KRAS: variants seen among roughly 807,000 people sequenced by gnomAD.
KRAS encodes KRas proto-oncogene, GTPase.
In KRAS, 1 loss-of-function variant was observed where a neutral mutation model predicts 21.0. The observed-to-expected ratio is 0.05, with a 90% confidence interval of 0.02 to 0.23. The LOEUF (loss-of-function observed/expected upper bound fraction) is 0.23. Ranked by LOEUF, KRAS falls within the 10% of genes least tolerant of loss-of-function variation. The probability of loss-of-function intolerance (pLI) is 1.00; values close to 1 mark genes in which losing one functional copy is unlikely to be tolerated. For synonymous variants in KRAS, 67 were observed against 72.5 expected (o/e 0.92, Z 0.39); for missense variants, 107 against 221.8 (o/e 0.48, Z 3.29).
chr12:25,249,362 A>G (rs1449642046), intron 1 of KRAS, among the ~76,000 whole-genome samples: 1 of 152,020 alleles, frequency 6.6e-6, no homozygotes, highest in Non-Finnish European at 1.5e-5. Context: ...GCGCCACTGC[A>G]CTCCAGCCTG....
chr12:25,225,556 G>C (rs543969427), intron 4 of KRAS, 58 bp downstream of exon 4: 4 of 1,481,560 alleles, frequency 2.7e-6, no homozygotes, highest in Non-Finnish European at 3.8e-6. Context: ...TATATTAAAT[G>C]ACATAACAGT....
At chr12:25,243,388 A>G (rs1361221519) in intron 2 of KRAS, among the ~76,000 whole-genome samples, 4 of 152,186 alleles carry the variant, frequency 2.6e-5, no homozygotes, top group African/African-American at 9.7e-5. Flanking sequence ...TGCTTCCCAG[A>G]GTCAAGTCTT....
intron 4 of KRAS, among the ~76,000 whole-genome samples, chr12:25,220,137 T>G (rs1227822514): frequency 6.6e-6 from 1 of 152,192 alleles, no homozygotes; most frequent in African/African-American, 2.4e-5. Context: ...AAACACACAA[T>G]TCTCATGGTG....
chr12:25,215,709 G>T, intron 4 of KRAS: 1 of 682,850 alleles, frequency 1.5e-6, no homozygotes, highest in Non-Finnish European at 2.6e-6. Flanking sequence ...AACTGAGGAT[G>T]CAGTTTTAAA....
chr12:25,245,132 G>A (rs1951661633), intron 2 of KRAS, 142 bp downstream of exon 2: 1 of 920,198 alleles, frequency 1.1e-6, no homozygotes, highest in South Asian at 1.5e-5. Context: ...CATATAACTT[G>A]AAACCCAAGG....
intron 4 of KRAS, among the ~76,000 whole-genome samples, chr12:25,224,595 AATTT>A (rs1388507865): frequency 6.6e-6 from 1 of 152,172 alleles, no homozygotes; most frequent in Non-Finnish European, 1.5e-5. Flanking sequence ...AAGTAAGGTT[AATTT>A]ATTATTGAAC....
At chr12:25,211,519 A>T (rs574911948) in intron 4 of KRAS, among the ~76,000 whole-genome samples, 5 of 152,166 alleles carry the variant, frequency 3.3e-5, no homozygotes, top group Admixed American at 6.5e-5. Context: ...AGTGCATTGC[A>T]GTGAGCCGAG....
chr12:25,235,185 A>G, intron 2 of KRAS: 1 of 527,000 alleles, frequency 1.9e-6, no homozygotes, highest in Non-Finnish European at 3.6e-6. Context: ...TTCTTAATGT[A>G]TTAAGTATTG....
chr12:25,246,556 T>C (rs1252966748), intron 1 of KRAS, among the ~76,000 whole-genome samples: 1 of 146,416 alleles, frequency 6.8e-6, no homozygotes, highest in African/African-American at 2.5e-5. Flanking sequence ...AGACTCCATC[T>C]CAAAACAAAC....
At chr12:25,223,977 T>G (rs1429148031) in intron 4 of KRAS, among the ~76,000 whole-genome samples, 1 of 151,990 alleles carries the variant, frequency 6.6e-6, no homozygotes, top group Admixed American at 6.6e-5. Context: ...CACAGGAGAT[T>G]GCATATGTGA....
chr12:25,249,163 G>A (rs952185610), intron 1 of KRAS, among the ~76,000 whole-genome samples: 1 of 152,180 alleles, frequency 6.6e-6, no homozygotes, highest in African/African-American at 2.4e-5. Flanking sequence ...GTGGGAGGCC[G>A]AGGCGGGCAG....
intron 2 of KRAS, among the ~76,000 whole-genome samples, chr12:25,244,293 G>A (rs1294865858): frequency 6.6e-6 from 1 of 152,024 alleles, no homozygotes; most frequent in Non-Finnish European, 1.5e-5. Flanking sequence ...AAAGTATTAG[G>A]ACTGCTTAAC....
intron 2 of KRAS, chr12:25,235,143 T>C (rs961462038): frequency 6.3e-6 from 3 of 472,888 alleles, no homozygotes; most frequent in African/African-American, 1.9e-5. Flanking sequence ...AATAATGTAT[T>C]ACTCGGGGAT....
chr12:25,248,440 ACTCT>A (rs1240166501), intron 1 of KRAS, among the ~76,000 whole-genome samples: 4 of 151,826 alleles, frequency 2.6e-5, no homozygotes, highest in East Asian at 3.9e-4. Flanking sequence ...ACAGAGTGAG[ACTCT>A]CTCTCTCAAA....
chr12:25,226,009 C>T (rs1050169113), intron 3 of KRAS, among the ~76,000 whole-genome samples: 2 of 151,978 alleles, frequency 1.3e-5, no homozygotes, highest in East Asian at 3.9e-4. Context: ...AAAACTATAA[C>T]CTAATAGGTT....
chr12:25,222,657 A>G (rs1398559010), intron 4 of KRAS, among the ~76,000 whole-genome samples: 1 of 152,196 alleles, frequency 6.6e-6, no homozygotes, highest in African/African-American at 2.4e-5. Context: ...TTATCTACTT[A>G]CATATTATAT....
intron 1 of KRAS, among the ~76,000 whole-genome samples, chr12:25,249,722 G>A (rs1013645375): frequency 6.6e-5 from 10 of 151,642 alleles, no homozygotes; most frequent in African/African-American, 2.4e-4. Context: ...AATAACTCTT[G>A]AGATGTAGAA....
At chr12:25,244,837 G>A (rs745635078) in intron 2 of KRAS, among the ~76,000 whole-genome samples, 3 of 151,994 alleles carry the variant, frequency 2.0e-5, no homozygotes, top group Admixed American at 6.6e-5. Context: ...ATGTTGAGAA[G>A]AAGATAGGAA....
intron 3 of KRAS, among the ~76,000 whole-genome samples, chr12:25,226,459 G>T (rs887871973): frequency 6.6e-6 from 1 of 152,102 alleles, no homozygotes; most frequent in Admixed American, 6.6e-5. Context: ...GGTAAACTTG[G>T]ATAATAGAGC....
Sources: allele counts gnomAD v4.1 joint callset (sites outside exome capture counted in the v4.1 genomes callset), GRCh38; gene constraint gnomAD v4.1.1; transcripts MANE v1.5; gene names NCBI Gene and HGNC (gene_info 2026-07-23, HGNC 2026-07-21).